CDC42BPA: variants seen among roughly 807,000 people sequenced by gnomAD.
CDC42BPA encodes serine/threonine-protein kinase MRCK alpha.
A neutral mutation model predicts 223.5 loss-of-function variants in CDC42BPA; 80 were observed. The observed-to-expected ratio is 0.36, with a 90% confidence interval of 0.30 to 0.43. The LOEUF (loss-of-function observed/expected upper bound fraction) is 0.43. Ranked by LOEUF, CDC42BPA falls within the 20% of genes least tolerant of loss-of-function variation. The probability of loss-of-function intolerance (pLI) is 1.00; values close to 1 mark genes in which losing one functional copy is unlikely to be tolerated. For missense variants in CDC42BPA, 1,743 were observed against 2,099.9 expected (o/e 0.83, Z 3.32); for synonymous variants, 694 against 718.6 (o/e 0.97, Z 0.55).
chr1:227,231,552 T>C (rs1278034082), intron 2 of CDC42BPA, among the ~76,000 whole-genome samples: 1 of 152,090 alleles, frequency 6.6e-6, no homozygotes, highest in Non-Finnish European at 1.5e-5. Context: ...CCTGAGGAAT[T>C]GCCACACTGT....
intron 12 of CDC42BPA, among the ~76,000 whole-genome samples, chr1:227,117,106 C>T (rs1204012913): frequency 6.6e-6 from 1 of 152,118 alleles, no homozygotes; most frequent in African/African-American, 2.4e-5. Context: ...AGGGTTTTAT[C>T]CTGCCAGCTC....
chr1:227,014,950 G>A (rs1018151690), intron 34 of CDC42BPA, among the ~76,000 whole-genome samples: 43 of 152,090 alleles, frequency 2.8e-4, no homozygotes, highest in Non-Finnish European at 2.9e-4. Context: ...AAACAGAATA[G>A]TTCTCCAATG....
intron 27 of CDC42BPA, 26 bp from the exon 28 acceptor site, chr1:227,031,540 G>T (rs576377053): frequency 1.9e-6 from 3 of 1,579,336 alleles, no homozygotes; most frequent in South Asian, 1.1e-5. Context: ...CAATATTCAT[G>T]ATATTAGAAA....
At chr1:227,248,923 T>C (rs1558865747) in intron 2 of CDC42BPA, among the ~76,000 whole-genome samples, 1 of 152,042 alleles carries the variant, frequency 6.6e-6, no homozygotes, top group East Asian at 1.9e-4. Flanking sequence ...TTCACAGAAA[T>C]AGAAAAAATA....
intron 1 of CDC42BPA, among the ~76,000 whole-genome samples, chr1:227,305,704 G>A (rs1187162701): frequency 1.3e-5 from 2 of 152,158 alleles, no homozygotes; most frequent in East Asian, 1.9e-4. Context: ...GGTGGCTCAC[G>A]CCTGTAATCT....
intron 2 of CDC42BPA, among the ~76,000 whole-genome samples, chr1:227,231,580 C>T (rs1176803184): frequency 1.3e-5 from 2 of 151,952 alleles, no homozygotes; most frequent in Non-Finnish European, 2.9e-5. Context: ...AATGATTGAA[C>T]TAGTTTACAG....
intron 35 of CDC42BPA, among the ~76,000 whole-genome samples, chr1:227,000,346 G>A (rs1662562300): frequency 6.6e-6 from 1 of 151,998 alleles, no homozygotes; most frequent in Admixed American, 6.6e-5. Context: ...CTAATTGAAC[G>A]CCATAAAATA....
chr1:227,160,684 ATTGT>A (rs765275794), intron 5 of CDC42BPA, 48 bp from the exon 6 acceptor site: 12 of 1,028,732 alleles, frequency 1.2e-5, no homozygotes, highest in East Asian at 5.0e-5. Flanking sequence ...TAAACAATTC[ATTGT>A]TTGGTAAGAT....
chr1:227,004,966 G>A (rs940467091), intron 35 of CDC42BPA, 28 bp downstream of exon 35: 2 of 1,494,830 alleles, frequency 1.3e-6, no homozygotes, highest in Admixed American at 1.7e-5. Context: ...CTGTCTCAGA[G>A]GCACCTTCCT....
intron 1 of CDC42BPA, among the ~76,000 whole-genome samples, chr1:227,273,444 G>A (rs1254805135): frequency 4.0e-5 from 6 of 151,208 alleles, no homozygotes; most frequent in Non-Finnish European, 8.8e-5. Flanking sequence ...GCGCATGCCT[G>A]TAATCCCAGA....
At chr1:227,173,840 T>A (rs1157205639) in intron 5 of CDC42BPA, among the ~76,000 whole-genome samples, 1 of 152,084 alleles carries the variant, frequency 6.6e-6, no homozygotes, top group African/African-American at 2.4e-5. Context: ...ATTCAGTGAG[T>A]TCTGTGAGTC....
At chr1:227,208,380 T>G (rs942305986) in intron 3 of CDC42BPA, among the ~76,000 whole-genome samples, 1 of 136,702 alleles carries the variant, frequency 7.3e-6, no homozygotes, top group Non-Finnish European at 1.6e-5. Context: ...TTTGTCAATT[T>G]TGTCTTTTGT....
intron 35 of CDC42BPA, among the ~76,000 whole-genome samples, chr1:226,999,286 C>A (rs2148284904): frequency 6.6e-6 from 1 of 151,946 alleles, no homozygotes; most frequent in East Asian, 1.9e-4. Flanking sequence ...ACGCCATTCT[C>A]CTGCCTCAGC....
intron 4 of CDC42BPA, among the ~76,000 whole-genome samples, chr1:227,197,828 G>T (rs1671000608): frequency 6.6e-6 from 1 of 151,978 alleles, no homozygotes; most frequent in Non-Finnish European, 1.5e-5. Flanking sequence ...CAAAGATGTG[G>T]GATGTGTTTT....
chr1:227,055,606 CAT>C (rs977618996), intron 21 of CDC42BPA, among the ~76,000 whole-genome samples: 27 of 151,946 alleles, frequency 1.8e-4, no homozygotes, highest in Admixed American at 1.6e-3. Flanking sequence ...TAAAAACAAA[CAT>C]AATCATTATT....
At chr1:227,294,538 A>G (rs1690272964) in intron 1 of CDC42BPA, among the ~76,000 whole-genome samples, 1 of 152,038 alleles carries the variant, frequency 6.6e-6, no homozygotes, top group South Asian at 2.1e-4. Context: ...AACTATTCCC[A>G]TTTTCAGAGA....
At chr1:227,056,481 G>C (rs950971332) in intron 21 of CDC42BPA, among the ~76,000 whole-genome samples, 2 of 151,338 alleles carry the variant, frequency 1.3e-5, no homozygotes, top group African/African-American at 4.9e-5. Context: ...TTGAATTCTT[G>C]AGCCGAACTG....
intron 2 of CDC42BPA, among the ~76,000 whole-genome samples, chr1:227,253,259 CG>C (rs1682385670): frequency 8.6e-6 from 1 of 116,544 alleles, no homozygotes; most frequent in Non-Finnish European, 1.9e-5. Context: ...AGAGAGAGAG[CG>C]AGAGAGAGCG....
At chr1:227,230,841 A>G (rs372515395) in intron 2 of CDC42BPA, among the ~76,000 whole-genome samples, 6 of 50,188 alleles carry the variant, frequency 1.2e-4, no homozygotes, top group Admixed American at 2.9e-4. Flanking sequence ...TTTTTTTTTG[A>G]GACAGAGTCT....
Sources: gnomAD v4.1 joint callset for allele counts (sites outside exome capture counted in the v4.1 genomes callset) on GRCh38, gnomAD v4.1.1 for gene constraint, MANE v1.5 for transcripts, NCBI Gene and HGNC (gene_info 2026-07-23, HGNC 2026-07-21) for gene names.